DAB1: variants seen among roughly 807,000 people sequenced by gnomAD.
DAB1 encodes disabled homolog 1.
DAB1 carries 15 observed loss-of-function variants against 64.6 expected under a neutral mutation model. The ratio of observed to expected loss-of-function variants is 0.23; its 90% CI spans 0.16 to 0.36. The LOEUF (loss-of-function observed/expected upper bound fraction) is 0.36, where lower values mean the gene tolerates loss of function less well. Among genes scored for constraint, DAB1 ranks in the 10% least tolerant of loss-of-function variants. The pLI, the probability that DAB1 is intolerant of heterozygous loss-of-function variation, is 1.00. For missense variants in DAB1, 596 were observed against 706.7 expected (o/e 0.84, Z 1.78); for synonymous variants, 235 against 251.9 (o/e 0.93, Z 0.64).
intron 4 of DAB1, among the ~76,000 whole-genome samples, chr1:58,177,668 G>C (rs1207545697): frequency 6.6e-6 from 1 of 151,482 alleles, no homozygotes. Context: ...TTTCTTTTAA[G>C]CCCCACAACA....
At chr1:57,465,585 T>C (rs1222482354) in intron 7 of DAB1, among the ~76,000 whole-genome samples, 3 of 152,224 alleles carry the variant, frequency 2.0e-5, no homozygotes, top group African/African-American at 7.2e-5. Context: ...CAGATTAATA[T>C]AGTTTGAAAT....
chr1:57,720,241 C>T (rs1329489195), intron 6 of DAB1, among the ~76,000 whole-genome samples: 1 of 152,208 alleles, frequency 6.6e-6, no homozygotes, highest in Non-Finnish European at 1.5e-5. Context: ...TTATCAGTCA[C>T]ACTCTCCATC....
intron 7 of DAB1, among the ~76,000 whole-genome samples, chr1:57,547,135 G>A (rs1166180234): frequency 1.3e-5 from 2 of 149,000 alleles, no homozygotes; most frequent in Non-Finnish European, 2.9e-5. Flanking sequence ...GAGCAGTCAA[G>A]GCCAAGACCC....
At chr1:57,543,966 G>A (rs982201397) in intron 7 of DAB1, among the ~76,000 whole-genome samples, 4 of 151,950 alleles carry the variant, frequency 2.6e-5, no homozygotes, top group African/African-American at 9.7e-5. Context: ...AAATTAGCCG[G>A]GCATGGTGGC....
At chr1:57,921,868 T>A (rs1341679253) in intron 5 of DAB1, among the ~76,000 whole-genome samples, 1 of 152,040 alleles carries the variant, frequency 6.6e-6, no homozygotes, top group African/African-American at 2.4e-5. Flanking sequence ...GCCACAGCCA[T>A]CCCCTTGAAC....
chr1:58,322,940 G>A (rs1378784723), intron 4 of DAB1, among the ~76,000 whole-genome samples: 1 of 152,098 alleles, frequency 6.6e-6, no homozygotes, highest in African/African-American at 2.4e-5. Context: ...GTCCTTTGTA[G>A]GGACATGGAT....
intron 1 of DAB1, among the ~76,000 whole-genome samples, chr1:57,828,676 A>C (rs1382272696): frequency 6.6e-6 from 1 of 152,234 alleles, no homozygotes; most frequent in Non-Finnish European, 1.5e-5. Flanking sequence ...CAAAAAGAAA[A>C]ATGTATCCTA....
intron 3 of DAB1, among the ~76,000 whole-genome samples, chr1:58,422,125 G>A (rs706420): frequency 0.61 from 92,212 of 151,864 alleles, 28,905 homozygotes; most frequent in African/African-American, 0.77. Flanking sequence ...TATTCCCACC[G>A]TTTGAAATCT....
chr1:57,590,030 A>G (rs1407489796), intron 7 of DAB1, among the ~76,000 whole-genome samples: 1 of 152,176 alleles, frequency 6.6e-6, no homozygotes, highest in Non-Finnish European at 1.5e-5. Context: ...TGCTAGAGAT[A>G]TCATAAAAAA....
At chr1:57,589,946 G>A (rs767096240) in intron 7 of DAB1, among the ~76,000 whole-genome samples, 21 of 152,148 alleles carry the variant, frequency 1.4e-4, no homozygotes, top group Admixed American at 2.0e-4. Flanking sequence ...AGACCCTCCT[G>A]AAAGAGCACA....
chr1:57,735,936 T>C (rs534022190), intron 6 of DAB1, among the ~76,000 whole-genome samples: 1 of 152,264 alleles, frequency 6.6e-6, no homozygotes, highest in African/African-American at 2.4e-5. Flanking sequence ...AATGATAGCC[T>C]TTTTGGTTCT....
At chr1:58,025,874 T>C (rs1163767877) in intron 5 of DAB1, among the ~76,000 whole-genome samples, 1 of 151,848 alleles carries the variant, frequency 6.6e-6, no homozygotes, top group Non-Finnish European at 1.5e-5. Flanking sequence ...TTCATTCATA[T>C]ACATCCTAAA....
chr1:58,365,028 C>T (rs1443317376), intron 3 of DAB1, among the ~76,000 whole-genome samples: 1 of 152,152 alleles, frequency 6.6e-6, no homozygotes, highest in African/African-American at 2.4e-5. Flanking sequence ...ACTTCTAGTC[C>T]CTGACTTCAT....
chr1:57,978,201 C>T (rs779087261), intron 5 of DAB1, among the ~76,000 whole-genome samples: 14 of 152,174 alleles, frequency 9.2e-5, no homozygotes, highest in Non-Finnish European at 1.8e-4. Flanking sequence ...CAGCATGGTA[C>T]TGGTACCAAA....
At chr1:57,266,952 T>C (rs1670632253) in intron 2 of DAB1, among the ~76,000 whole-genome samples, 1 of 152,194 alleles carries the variant, frequency 6.6e-6, no homozygotes, top group African/African-American at 2.4e-5. Context: ...ACACACCATG[T>C]CAGCCCTTTA....
At chr1:57,319,807 A>T (rs1675544942) in intron 1 of DAB1, among the ~76,000 whole-genome samples, 2 of 152,106 alleles carry the variant, frequency 1.3e-5, no homozygotes, top group South Asian at 2.1e-4. Flanking sequence ...GGAAAAAAAA[A>T]AATAACCTCG....
chr1:57,021,542 C>T (rs1261154959), intron 11 of DAB1, among the ~76,000 whole-genome samples: 4 of 152,182 alleles, frequency 2.6e-5, no homozygotes, highest in Non-Finnish European at 5.9e-5. Context: ...CTCTTGTCTG[C>T]CACCATGTAA....
chr1:58,514,713 T>C (rs1355662322), intron 2 of DAB1, among the ~76,000 whole-genome samples: 2 of 152,116 alleles, frequency 1.3e-5, no homozygotes, highest in African/African-American at 4.8e-5. Context: ...AAAAATACAC[T>C]GAGGCTGTTA....
At chr1:58,411,810 G>C (rs759538244) in intron 3 of DAB1, among the ~76,000 whole-genome samples, 3 of 152,128 alleles carry the variant, frequency 2.0e-5, no homozygotes, top group Non-Finnish European at 2.9e-5. Flanking sequence ...TCTGCAAGTT[G>C]GCCCTAATTT....
Sources: gnomAD v4.1 joint callset for allele counts (sites outside exome capture counted in the v4.1 genomes callset) on GRCh38, gnomAD v4.1.1 for gene constraint, MANE v1.5 for transcripts, NCBI Gene and HGNC (gene_info 2026-07-23, HGNC 2026-07-21) for gene names.